Variants in CADM1 observed in about 807,000 individuals in gnomAD.
The protein encoded by CADM1 is cell adhesion molecule 1.
A neutral mutation model predicts 53.1 loss-of-function variants in CADM1; 15 were observed. That is an observed-to-expected ratio of 0.28 (90% CI 0.19 to 0.44). The LOEUF (loss-of-function observed/expected upper bound fraction) is 0.44. Among genes scored for constraint, CADM1 ranks in the 20% least tolerant of loss-of-function variants. The pLI, the probability that CADM1 is intolerant of heterozygous loss-of-function variation, is 1.00. For missense variants in CADM1, 434 were observed against 611.3 expected, an observed-to-expected ratio of 0.71 and a Z score of 3.06; for synonymous variants, 281 against 243.0, an observed-to-expected ratio of 1.16 and a Z score of -1.45.
chr11:115,468,354 T>C (rs979611045), intron 1 of CADM1, among the ~76,000 whole-genome samples: 3 of 152,172 alleles, frequency 2.0e-5, no homozygotes, highest in East Asian at 1.9e-4. Context: ...TTGAAGATAG[T>C]AGATTTGAAG....
At chr11:115,256,896 T>A (rs1942807101) in intron 1 of CADM1, 1 of 456,016 alleles carries the variant, frequency 2.2e-6, no homozygotes, top group African/African-American at 2.0e-5. Context: ...TCTGCTGGGT[T>A]ACTAAGTGCA....
chr11:115,392,684 A>G (rs1279573959), intron 1 of CADM1, among the ~76,000 whole-genome samples: 1 of 152,152 alleles, frequency 6.6e-6, no homozygotes, highest in South Asian at 2.1e-4. Flanking sequence ...GCATTCCCAA[A>G]CACAAATGAC....
In CADM1 at chr11:115,249,919, C is replaced by T. The variant is rs76475219; in HGVS notation, c.125-9499G>A. Among the ~76,000 whole-genome samples, 1,493 of 152,212 alleles carry T rather than the reference C, an allele frequency of 9.8e-3. 30 individuals are homozygous for T. Among genetic ancestry groups the T allele is most frequent in the African/African-American group, 0.034 (1,403 of 41,522 alleles). ...ACAATACTTGCCATTACTAGTTATT[C>T]TTTGAGACAGAGTCTCCCTCTGTTG... On this transcript the variant is annotated intron_variant, in intron 1 of 11. Transcript: ENST00000331581.
intron 1 of CADM1, among the ~76,000 whole-genome samples, chr11:115,334,648 C>T (rs1204634085): frequency 6.6e-6 from 1 of 151,992 alleles, no homozygotes; most frequent in East Asian, 1.9e-4. Flanking sequence ...CAATACTATC[C>T]TCAGAATCAG....
chr11:115,481,878 T>A (rs1949264477), intron 1 of CADM1, among the ~76,000 whole-genome samples: 1 of 152,166 alleles, frequency 6.6e-6, no homozygotes, highest in Admixed American at 6.5e-5. Flanking sequence ...CTAACTGCTC[T>A]CCTACCTGAG....
chr11:115,359,562 C>T (rs2135089235), intron 1 of CADM1, among the ~76,000 whole-genome samples: 1 of 152,150 alleles, frequency 6.6e-6, no homozygotes, highest in Non-Finnish European at 1.5e-5. Context: ...ACAGTGACTC[C>T]TACATTTTTA....
At chr11:115,376,761 G>A (rs1393600513) in intron 1 of CADM1, among the ~76,000 whole-genome samples, 1 of 152,108 alleles carries the variant, frequency 6.6e-6, no homozygotes, top group East Asian at 1.9e-4. Flanking sequence ...TCTGAAGCAG[G>A]TACCACTTAC....
At chr11:115,435,100 A>C (rs2135307186) in intron 1 of CADM1, among the ~76,000 whole-genome samples, 2 of 151,920 alleles carry the variant, frequency 1.3e-5, no homozygotes, top group South Asian at 4.2e-4. Context: ...ACCTCAGGTG[A>C]TCCGCCCACC....
chr11:115,252,265 GC>G (rs1262598899), intron 1 of CADM1, among the ~76,000 whole-genome samples: 1 of 152,172 alleles, frequency 6.6e-6, no homozygotes, highest in African/African-American at 2.4e-5. Flanking sequence ...GTGAAGTAAT[GC>G]CTATGAAAGT....
At chr11:115,262,389 A>G (rs928556709) in intron 1 of CADM1, among the ~76,000 whole-genome samples, 1 of 152,232 alleles carries the variant, frequency 6.6e-6, no homozygotes, top group African/African-American at 2.4e-5. Context: ...AACACTGAAC[A>G]CACTTTAAAT....
At chr11:115,443,253 C>A (rs927848960) in intron 1 of CADM1, among the ~76,000 whole-genome samples, 18 of 152,188 alleles carry the variant, frequency 1.2e-4, no homozygotes, top group Non-Finnish European at 2.4e-4. Context: ...CATCCATTAA[C>A]CAGCTTCTCC....
chr11:115,343,841 C>A (rs1200725682), intron 1 of CADM1, among the ~76,000 whole-genome samples: 1 of 151,842 alleles, frequency 6.6e-6, no homozygotes, highest in East Asian at 1.9e-4. Flanking sequence ...AAAACTTTAA[C>A]GCTTCTGAGT....
intron 1 of CADM1, among the ~76,000 whole-genome samples, chr11:115,480,265 T>C (rs2135408108): frequency 6.6e-6 from 1 of 152,146 alleles, no homozygotes; most frequent in African/African-American, 2.4e-5. Flanking sequence ...AAGAAAATGG[T>C]GTAGAATTCC....
At chr11:115,224,877 C>G (rs1303541626) in intron 5 of CADM1, among the ~76,000 whole-genome samples, 1 of 152,160 alleles carries the variant, frequency 6.6e-6, no homozygotes, top group Non-Finnish European at 1.5e-5. Flanking sequence ...AATTGTATCA[C>G]ACTCTGCTAT....
At chr11:115,483,406 A>G (rs1415183051) in intron 1 of CADM1, among the ~76,000 whole-genome samples, 2 of 152,226 alleles carry the variant, frequency 1.3e-5, no homozygotes, top group Admixed American at 6.5e-5. Context: ...ATGTAACAGT[A>G]ACCTTCAAGA....
intron 1 of CADM1, among the ~76,000 whole-genome samples, chr11:115,250,125 G>C (rs1437675955): frequency 8.5e-5 from 13 of 152,066 alleles, no homozygotes; most frequent in Admixed American, 7.9e-4. Flanking sequence ...GGATGGTCTC[G>C]ATCTCCTGAC....
intron 1 of CADM1, among the ~76,000 whole-genome samples, chr11:115,298,836 C>T (rs1260505185): frequency 2.0e-5 from 3 of 152,166 alleles, no homozygotes; most frequent in Non-Finnish European, 4.4e-5. Flanking sequence ...GGCTGCCCTC[C>T]TTCTCGGTTA....
chr11:115,340,658 A>ATATATTTTTTTTTTTT (rs60532835), intron 1 of CADM1, among the ~76,000 whole-genome samples: 1 of 34,944 alleles, frequency 2.9e-5, no homozygotes, highest in Non-Finnish European at 4.5e-5. Flanking sequence ...ATATATATAT[A>ATATATTTTTTTTTTTT]TTTTTTTTTT....
chr11:115,485,971 T>C (rs1949365178), intron 1 of CADM1, among the ~76,000 whole-genome samples: 1 of 152,236 alleles, frequency 6.6e-6, no homozygotes, highest in Non-Finnish European at 1.5e-5. Context: ...AACCCACATA[T>C]AACATTTACA....
Sources: gnomAD v4.1 joint callset for allele counts (sites outside exome capture counted in the v4.1 genomes callset) on GRCh38, gnomAD v4.1.1 for gene constraint, MANE v1.5 for transcripts, NCBI Gene and HGNC (gene_info 2026-07-23, HGNC 2026-07-21) for gene names.